The following DPP10 variants were observed in gnomAD, a reference collection of about 807,000 sequenced individuals.
The protein encoded by DPP10 is dipeptidyl peptidase like 10, also known as inactive dipeptidyl peptidase 10.
In DPP10, 33 loss-of-function variants were observed where a neutral mutation model predicts 120.9. The observed-to-expected ratio is 0.27, with a 90% CI of 0.21 to 0.37. The LOEUF (loss-of-function observed/expected upper bound fraction) is 0.37. DPP10 is among the 10% of genes least tolerant of loss of function. The pLI, the probability that DPP10 is intolerant of heterozygous loss-of-function variation, is 1.00. For missense variants in DPP10, 816 were observed against 942.8 expected (o/e 0.87, Z 1.76); for synonymous variants, 337 against 326.1 (o/e 1.03, Z -0.36).
At chr2:115,754,047 G>T (rs1371465704) in intron 11 of DPP10, among the ~76,000 whole-genome samples, 1 of 152,084 alleles carries the variant, frequency 6.6e-6, no homozygotes, top group Non-Finnish European at 1.5e-5. Context: ...TCAGATATGG[G>T]ACATTAGGAG....
chr2:115,151,699 G>A (rs1423473731), intron 1 of DPP10, among the ~76,000 whole-genome samples: 3 of 150,186 alleles, frequency 2.0e-5, no homozygotes, highest in East Asian at 1.9e-4. Context: ...GAGCCACCGC[G>A]CCCAGTCAGT....
intron 1 of DPP10, among the ~76,000 whole-genome samples, chr2:114,882,890 A>T (rs1197429924): frequency 6.6e-6 from 1 of 152,230 alleles, no homozygotes; most frequent in African/African-American, 2.4e-5. Context: ...GATGCCAAGC[A>T]TTCACAATTT....
intron 5 of DPP10, among the ~76,000 whole-genome samples, chr2:115,577,345 C>A (rs11689643): frequency 2.0e-5 from 3 of 152,134 alleles, no homozygotes; most frequent in African/African-American, 7.2e-5. Flanking sequence ...TTCTGCCTTC[C>A]GTGTTTGCTA....
intron 7 of DPP10, among the ~76,000 whole-genome samples, chr2:115,696,209 A>G (rs971958333): frequency 1.3e-5 from 2 of 152,188 alleles, no homozygotes; most frequent in Non-Finnish European, 2.9e-5. Context: ...AAAAATTAAC[A>G]GCCCCAAATT....
intron 3 of DPP10, among the ~76,000 whole-genome samples, chr2:115,375,938 T>G (rs2065761219): frequency 6.6e-6 from 1 of 152,254 alleles, no homozygotes; most frequent in Admixed American, 6.5e-5. Flanking sequence ...GACATGAGAT[T>G]AAGGTGGGGA....
At chr2:114,641,826 A>G (rs1468109025) in intron 1 of DPP10, among the ~76,000 whole-genome samples, 1 of 151,946 alleles carries the variant, frequency 6.6e-6, no homozygotes, top group East Asian at 1.9e-4. Context: ...TACTGCTTAT[A>G]GATCATAATT....
At chr2:115,810,138 G>A (rs1002617308) in intron 19 of DPP10, among the ~76,000 whole-genome samples, 16 of 151,426 alleles carry the variant, frequency 1.1e-4, no homozygotes, top group African/African-American at 3.2e-4. Context: ...CTCCAGCCTG[G>A]GCGACAGAGC....
intron 1 of DPP10, among the ~76,000 whole-genome samples, chr2:114,676,077 G>A (rs911753951): frequency 1.3e-5 from 2 of 152,094 alleles, no homozygotes; most frequent in Non-Finnish European, 2.9e-5. Flanking sequence ...TGGGATTACT[G>A]GCATGAGCCA....
chr2:115,552,601 C>T (rs540754077), intron 5 of DPP10, among the ~76,000 whole-genome samples: 5 of 151,864 alleles, frequency 3.3e-5, no homozygotes, highest in Admixed American at 6.6e-5. Flanking sequence ...GTTTCTCAGA[C>T]GAAATTATTT....
chr2:114,705,433 A>G (rs1324224725), intron 1 of DPP10, among the ~76,000 whole-genome samples: 1 of 152,142 alleles, frequency 6.6e-6, no homozygotes, highest in Admixed American at 6.5e-5. Flanking sequence ...TATATTATGT[A>G]TATATACATA....
At chr2:115,526,567 T>C (rs944151374) in intron 5 of DPP10, among the ~76,000 whole-genome samples, 5 of 152,136 alleles carry the variant, frequency 3.3e-5, no homozygotes, top group African/African-American at 1.2e-4. Context: ...TATGTATGGT[T>C]GTTGAGTGTT....
chr2:115,145,999 T>A (rs188033285), intron 1 of DPP10, among the ~76,000 whole-genome samples: 1 of 152,262 alleles, frequency 6.6e-6, no homozygotes, highest in African/African-American at 2.4e-5. Flanking sequence ...CTAGGCACTA[T>A]GCAGAGTACT....
At chr2:115,713,454 GCT>G (rs756726190) in intron 7 of DPP10, among the ~76,000 whole-genome samples, 1 of 152,156 alleles carries the variant, frequency 6.6e-6, no homozygotes, top group East Asian at 1.9e-4. Flanking sequence ...GTGGCAACAG[GCT>G]TACAATCTGG....
chr2:115,345,547 A>G (rs2063670393), intron 3 of DPP10, among the ~76,000 whole-genome samples: 1 of 152,164 alleles, frequency 6.6e-6, no homozygotes, highest in Non-Finnish European at 1.5e-5. Context: ...TAGATTTGAA[A>G]TGCTGAATAA....
At chr2:114,657,466 T>C (rs1228387336) in intron 1 of DPP10, among the ~76,000 whole-genome samples, 1 of 152,188 alleles carries the variant, frequency 6.6e-6, no homozygotes, top group Non-Finnish European at 1.5e-5. Flanking sequence ...CTTGTTTAAA[T>C]AAATTCAGCT....
chr2:114,511,040 A>G (rs1361273293), intron 1 of DPP10, among the ~76,000 whole-genome samples: 1 of 152,252 alleles, frequency 6.6e-6, no homozygotes, highest in African/African-American at 2.4e-5. Flanking sequence ...CCTAAGGCCT[A>G]GTGAATGGTC....
intron 1 of DPP10, among the ~76,000 whole-genome samples, chr2:114,517,356 G>A (rs1684677408): frequency 6.6e-6 from 1 of 151,978 alleles, no homozygotes; most frequent in Non-Finnish European, 1.5e-5. Context: ...CCCCATCTCT[G>A]CTAAAAATAT....
intron 1 of DPP10, among the ~76,000 whole-genome samples, chr2:115,233,163 T>C (rs992621240): frequency 1.3e-5 from 2 of 152,046 alleles, no homozygotes. Flanking sequence ...TAAAATAGAA[T>C]GATCTTTCAT....
chr2:115,524,374 T>C (rs1575091182), intron 4 of DPP10, among the ~76,000 whole-genome samples: 1 of 152,118 alleles, frequency 6.6e-6, no homozygotes, highest in African/African-American at 2.4e-5. Flanking sequence ...AGCAGTTTAT[T>C]GTAGAGGGTA....
Sources: gnomAD v4.1 joint callset for allele counts (sites outside exome capture counted in the v4.1 genomes callset) on GRCh38, gnomAD v4.1.1 for gene constraint, MANE v1.5 for transcripts, NCBI Gene and HGNC (gene_info 2026-07-23, HGNC 2026-07-21) for gene names.